The following SLC35F3 variants were observed in gnomAD, a reference collection of about 807,000 sequenced individuals.
SLC35F3 encodes putative thiamine transporter SLC35F3.
Under a neutral mutation model 49.9 loss-of-function variants are expected in SLC35F3, and 25 were observed. That is an observed-to-expected ratio of 0.50 (90% CI 0.37 to 0.70). SLC35F3 has a LOEUF of 0.70. Among genes scored for constraint, SLC35F3 ranks in the 30% least tolerant of loss-of-function variants. The pLI is 0.00. For synonymous variants in SLC35F3, 275 were observed against 265.4 expected (o/e 1.04, Z -0.35); for missense variants, 525 against 639.8 (o/e 0.82, Z 1.94).
At chr1:234,150,202 G>A (rs1267733861) in intron 2 of SLC35F3, among the ~76,000 whole-genome samples, 1 of 152,212 alleles carries the variant, frequency 6.6e-6, no homozygotes, top group African/African-American at 2.4e-5. Context: ...AAATGGAAGC[G>A]GTAATTCTCT....
chr1:234,322,040 A>G (rs1657634254), intron 7 of SLC35F3, among the ~76,000 whole-genome samples: 1 of 151,876 alleles, frequency 6.6e-6, no homozygotes, highest in Non-Finnish European at 1.5e-5. Context: ...AATAATAATA[A>G]TAACAAAAAT....
chr1:233,981,225 G>A (rs1663176717), intron 2 of SLC35F3, among the ~76,000 whole-genome samples: 2 of 152,156 alleles, frequency 1.3e-5, no homozygotes, highest in Admixed American at 1.3e-4. Context: ...GTGTGTGTGT[G>A]TACTTTATGC....
intron 2 of SLC35F3, among the ~76,000 whole-genome samples, chr1:234,192,445 C>T (rs1222626063): frequency 6.6e-6 from 1 of 152,142 alleles, no homozygotes; most frequent in Non-Finnish European, 1.5e-5. Flanking sequence ...ACAAAGGATA[C>T]ACCTCAGTGT....
intron 2 of SLC35F3, among the ~76,000 whole-genome samples, chr1:234,110,711 C>T (rs768464506): frequency 6.7e-6 from 1 of 150,160 alleles, no homozygotes; most frequent in African/African-American, 2.4e-5. Flanking sequence ...CAGTTTCATC[C>T]ACAGCTGATG....
In SLC35F3 at chr1:234,304,074, T is replaced by TC. The variant is rs1553263018; in HGVS notation, c.609-5026dup. 7.3e-3 allele frequency among the ~76,000 whole-genome samples: 167 copies of TC among 22,952 alleles called. 1 individual carries two copies. The highest frequency in any genetic ancestry group is 0.045 in the Middle Eastern group (1 of 22). The allele number at this position is 22,952 out of a possible 152,430, so 15.1% of individuals were successfully genotyped here. Reference sequence around the variant, plus strand: ...CTTTCCTTCCTTTCCTTCCTTCCTTTCTTCCTTCCTTCCTTCCTTCCTTCT... The same window carrying TC: ...CTTTCCTTCCTTTCCTTCCTTCCTTTCCTTCCTTCCTTCCTTCCTTCCTTCT... On this transcript the variant is annotated intron_variant, in intron 3 of 7. Transcript: ENST00000366618.
At chr1:234,126,712 A>G (rs1558236537) in intron 2 of SLC35F3, among the ~76,000 whole-genome samples, 2 of 151,846 alleles carry the variant, frequency 1.3e-5, no homozygotes, top group Non-Finnish European at 2.9e-5. Flanking sequence ...CTTTTTTGAT[A>G]CAGAGTCTTG....
intron 3 of SLC35F3, among the ~76,000 whole-genome samples, chr1:234,246,369 C>G (rs981613100): frequency 6.6e-6 from 1 of 152,204 alleles, no homozygotes; most frequent in Non-Finnish European, 1.5e-5. Context: ...CAGGTTCCCC[C>G]AGACTTCAGC....
At chr1:234,140,002 A>AATAAAATAAATAAAATAAAAAT in intron 2 of SLC35F3, among the ~76,000 whole-genome samples, 1 of 105,480 alleles carries the variant, frequency 9.5e-6, no homozygotes, top group African/African-American at 3.1e-5. Context: ...AATAAAATAA[A>AATAAAATAAATAAAATAAAAAT]GTAAGTGACT....
At chr1:234,082,158 T>C (rs1235501913) in intron 2 of SLC35F3, among the ~76,000 whole-genome samples, 1 of 152,066 alleles carries the variant, frequency 6.6e-6, no homozygotes, top group Non-Finnish European at 1.5e-5. Context: ...TAATAATTCA[T>C]GTCTGCCAGC....
chr1:233,928,414 A>G (rs11800693), intron 2 of SLC35F3, among the ~76,000 whole-genome samples: 68,089 of 151,980 alleles, frequency 0.45, 16,425 homozygotes, highest in Middle Eastern at 0.55. Context: ...ACCTAAATCT[A>G]CTGAGAGAGA....
chr1:234,158,801 G>A (rs1159083097), intron 2 of SLC35F3, among the ~76,000 whole-genome samples: 3 of 152,164 alleles, frequency 2.0e-5, no homozygotes, highest in Non-Finnish European at 4.4e-5. Context: ...ACCTGTGGTG[G>A]ACAAAAGATC....
At chr1:234,184,482 AT>A (rs1666605102) in intron 2 of SLC35F3, among the ~76,000 whole-genome samples, 1 of 152,242 alleles carries the variant, frequency 6.6e-6, no homozygotes, top group Admixed American at 6.5e-5. Flanking sequence ...AGGAATGCTT[AT>A]TTAATGGGCA....
intron 2 of SLC35F3, among the ~76,000 whole-genome samples, chr1:233,968,532 T>C (rs1379898665): frequency 6.6e-6 from 1 of 151,988 alleles, no homozygotes; most frequent in Non-Finnish European, 1.5e-5. Context: ...CTGTCACCCA[T>C]GCTGGAGTGT....
At chr1:234,272,818 C>T (rs1668128863) in intron 3 of SLC35F3, among the ~76,000 whole-genome samples, 1 of 152,112 alleles carries the variant, frequency 6.6e-6, no homozygotes, top group Admixed American at 6.5e-5. Context: ...GCTGCCTGCC[C>T]CTGTTTGTTG....
intron 2 of SLC35F3, among the ~76,000 whole-genome samples, chr1:234,137,668 C>A (rs1342175890): frequency 6.6e-6 from 1 of 152,154 alleles, no homozygotes; most frequent in Non-Finnish European, 1.5e-5. Flanking sequence ...GTTACATGCT[C>A]AGGGAAGACT....
At chr1:234,151,181 A>G (rs1332026982) in intron 2 of SLC35F3, among the ~76,000 whole-genome samples, 1 of 152,094 alleles carries the variant, frequency 6.6e-6, no homozygotes, top group Non-Finnish European at 1.5e-5. Flanking sequence ...AGAAAAAATA[A>G]ATTCCAGACC....
intron 2 of SLC35F3, among the ~76,000 whole-genome samples, chr1:233,956,466 A>G (rs753138681): frequency 7.2e-5 from 11 of 152,156 alleles, no homozygotes; most frequent in Non-Finnish European, 1.0e-4. Context: ...TGCTATTGCT[A>G]TGGTTGTGGG....
At chr1:234,268,712 G>A (rs1668048562) in intron 3 of SLC35F3, 1 of 152,138 alleles carries the variant, frequency 6.6e-6, no homozygotes, top group African/African-American at 2.4e-5. Flanking sequence ...CATCAACGTG[G>A]GGATCTCATG....
At chr1:234,218,079 C>T (rs545105484) in intron 2 of SLC35F3, among the ~76,000 whole-genome samples, 22 of 152,268 alleles carry the variant, frequency 1.4e-4, no homozygotes, top group African/African-American at 4.3e-4. Context: ...TGTGTTCTGG[C>T]GAGATTGATG....
Sources: allele counts gnomAD v4.1 joint callset (sites outside exome capture counted in the v4.1 genomes callset), GRCh38; gene constraint gnomAD v4.1.1; transcripts MANE v1.5; gene names NCBI Gene and HGNC (gene_info 2026-07-23, HGNC 2026-07-21).